The following ANKS1B variants were observed in gnomAD, a reference collection of about 807,000 sequenced individuals.
ANKS1B encodes ankyrin repeat and sterile alpha motif domain-containing protein 1B.
In ANKS1B, 36 loss-of-function variants were observed where a neutral mutation model predicts 148.3. The ratio of observed to expected loss-of-function variants is 0.24; its 90% confidence interval spans 0.19 to 0.32. ANKS1B has a LOEUF of 0.32. ANKS1B is among the 10% of genes least tolerant of loss of function. The pLI, the probability that ANKS1B is intolerant of heterozygous loss-of-function variation, is 1.00. For missense variants in ANKS1B, 1,157 were observed against 1,542.6 expected, an observed-to-expected ratio of 0.75 and a Z score of 4.19; for synonymous variants, 542 against 560.8, an observed-to-expected ratio of 0.97 and a Z score of 0.47.
At chr12:99,930,337 T>C (rs1484588940) in intron 1 of ANKS1B, among the ~76,000 whole-genome samples, 4 of 152,268 alleles carry the variant, frequency 2.6e-5, no homozygotes, top group African/African-American at 7.2e-5. Context: ...GTGATTTTTG[T>C]ACATTGATTT....
intron 8 of ANKS1B, among the ~76,000 whole-genome samples, chr12:99,682,592 G>A (rs188681062): frequency 3.9e-5 from 6 of 152,134 alleles, no homozygotes; most frequent in African/African-American, 1.4e-4. Flanking sequence ...AAACCTCTGG[G>A]ATACAGCAAA....
chr12:98,747,395 T>C (rs951821398), intron 26 of ANKS1B, among the ~76,000 whole-genome samples: 2 of 152,076 alleles, frequency 1.3e-5, no homozygotes, highest in African/African-American at 4.8e-5. Context: ...ACAATCACAA[T>C]GTGATACGAT....
intron 24 of ANKS1B, among the ~76,000 whole-genome samples, chr12:98,779,668 T>C (rs2098714763): frequency 6.6e-6 from 1 of 152,194 alleles, no homozygotes; most frequent in South Asian, 2.1e-4. Flanking sequence ...ATCTTTGCCA[T>C]TCTATAATGT....
Position 99,773,010 on chromosome 12 carries a change from T to C in ANKS1B, c.1040A>G (p.Asp347Gly). The C allele has an allele frequency of 1.9e-6, 3 of 1,612,116 alleles. No individual in the cohort carries two copies. The highest frequency in any genetic ancestry group is 2.5e-6 in the Non-Finnish European group (3 of 1,178,762). Residue 347 changes from aspartate to glycine, a missense_variant, in exon 8 of 27, where the codon GAC becomes GGC. Transcript: ENST00000683438. ...GTGGTCTGATATTGTGTGGCACAAG[T>C]CTTCAAACGAATAATCCTTTTCTTG... ...LCQEKDYSFE[D>G]LCHTISDHYL... is the part of the protein sequence containing the mutation.
At chr12:99,679,552 C>T (rs564631667) in intron 8 of ANKS1B, among the ~76,000 whole-genome samples, 10 of 152,206 alleles carry the variant, frequency 6.6e-5, no homozygotes, top group African/African-American at 1.4e-4. Flanking sequence ...TCAAGTGATC[C>T]GCCCTCCTCG....
chr12:99,690,144 AACTC>A (rs1355925049), intron 8 of ANKS1B, among the ~76,000 whole-genome samples: 1 of 152,106 alleles, frequency 6.6e-6, no homozygotes, highest in Non-Finnish European at 1.5e-5. Context: ...ATCTCATGAG[AACTC>A]ACTCACTATC....
intron 9 of ANKS1B, among the ~76,000 whole-genome samples, chr12:99,553,734 A>G (rs1730961523): frequency 6.6e-6 from 1 of 152,168 alleles, no homozygotes; most frequent in Admixed American, 6.5e-5. Context: ...TTGACAATTC[A>G]TTTGCTAAAG....
At chr12:99,047,344 G>A (rs1244629469) in intron 17 of ANKS1B, among the ~76,000 whole-genome samples, 1 of 151,754 alleles carries the variant, frequency 6.6e-6, no homozygotes, top group African/African-American at 2.4e-5. Context: ...AGGTTGCAGT[G>A]AGCTGAGATT....
At position 98,968,376 on chromosome 12, in the gene ANKS1B, A is replaced by T. The variant is rs1011971647; in HGVS notation, c.2778+84781T>A. On this transcript the variant is annotated intron_variant, in intron 17 of 26. Coordinates refer to ENST00000683438, the MANE Select transcript of ANKS1B (RefSeq NM_001352186.2). ...AGAAACTCTGAGGGTGGGACTCAGGAATCTGTGTCTTAACAAGCTCTCCAG... is the reference window on the plus strand; with the variant it reads ...AGAAACTCTGAGGGTGGGACTCAGGTATCTGTGTCTTAACAAGCTCTCCAG... Among the ~76,000 whole-genome samples, 4 of 152,136 alleles carry T rather than the reference A, an allele frequency of 2.6e-5. No individual in the cohort carries two copies. In the South Asian group the frequency reaches 8.3e-4, roughly 32 times the overall value.
At chr12:99,283,882 C>T (rs1177096362) in intron 12 of ANKS1B, among the ~76,000 whole-genome samples, 2 of 152,116 alleles carry the variant, frequency 1.3e-5, no homozygotes. Context: ...GCTTTTATTT[C>T]ATTTATCTGC....
chr12:98,902,062 C>T (rs1313992167), intron 17 of ANKS1B, among the ~76,000 whole-genome samples: 5 of 152,142 alleles, frequency 3.3e-5, no homozygotes, highest in Non-Finnish European at 5.9e-5. Context: ...CTAATACAAC[C>T]CAGAGTGAGC....
chr12:98,865,930 G>A (rs1341740242), intron 17 of ANKS1B, among the ~76,000 whole-genome samples: 1 of 152,100 alleles, frequency 6.6e-6, no homozygotes, highest in African/African-American at 2.4e-5. Flanking sequence ...TGGCAGATTC[G>A]GTATCTGGTG....
At chr12:99,004,213 A>C (rs2099934759) in intron 17 of ANKS1B, among the ~76,000 whole-genome samples, 1 of 152,194 alleles carries the variant, frequency 6.6e-6, no homozygotes, top group Non-Finnish European at 1.5e-5. Flanking sequence ...TATATGAGAG[A>C]AATAAATGTC....
intron 1 of ANKS1B, among the ~76,000 whole-genome samples, chr12:99,913,876 A>G (rs1856576475): frequency 6.6e-6 from 1 of 152,158 alleles, no homozygotes; most frequent in African/African-American, 2.4e-5. Flanking sequence ...AACCACCAAT[A>G]CAAACAATAG....
chr12:99,168,293 G>A (rs1255839694), intron 14 of ANKS1B, among the ~76,000 whole-genome samples: 2 of 152,142 alleles, frequency 1.3e-5, no homozygotes, highest in African/African-American at 4.8e-5. Flanking sequence ...GAGGCGGGTG[G>A]ATCGCCTGAG....
At position 99,868,879 on chromosome 12, in the gene ANKS1B, G is replaced by A. The variant is rs181177842; in HGVS notation, c.135-43490C>T. Among the ~76,000 whole-genome samples the A allele has an allele frequency of 1.9e-3, 292 of 152,132 alleles. 1 individual carries two copies. The highest frequency in any genetic ancestry group is 2.4e-3 in the Non-Finnish European group (166 of 67,982). On this transcript the variant is annotated intron_variant, in intron 1 of 26. Transcript: ENST00000683438. The stretch of plus-strand genomic sequence containing the variant: ...TCGAGACCAGCCTGGCCAACATGGC[G>A]AAATCCTGTCTCTACTAACAATACA...
intron 12 of ANKS1B, among the ~76,000 whole-genome samples, chr12:99,376,809 G>A (rs996725151): frequency 6.6e-6 from 1 of 151,972 alleles, no homozygotes; most frequent in South Asian, 2.1e-4. Context: ...AAGTTGCCAC[G>A]GCTTTAAAGA....
intron 15 of ANKS1B, among the ~76,000 whole-genome samples, chr12:99,085,283 G>A (rs1039944155): frequency 6.6e-6 from 1 of 151,684 alleles, no homozygotes; most frequent in Non-Finnish European, 1.5e-5. Context: ...AGATTCATTC[G>A]TGTGACTTAA....
At chr12:99,466,201 C>A (rs371379194) in intron 10 of ANKS1B, among the ~76,000 whole-genome samples, 2 of 152,052 alleles carry the variant, frequency 1.3e-5, no homozygotes, top group Non-Finnish European at 2.9e-5. Context: ...GGGTACATAA[C>A]GAAATGAAGA....
Sources: gnomAD v4.1 joint callset for allele counts (sites outside exome capture counted in the v4.1 genomes callset) on GRCh38, gnomAD v4.1.1 for gene constraint, MANE v1.5 for transcripts, NCBI Gene and HGNC (gene_info 2026-07-23, HGNC 2026-07-21) for gene names.